Variants in FRMD4A observed in about 807,000 individuals in gnomAD.
FRMD4A encodes FERM domain containing 4A.
FRMD4A carries 29 observed loss-of-function variants against 129.1 expected under a neutral mutation model. The ratio of observed to expected loss-of-function variants is 0.22; its 90% confidence interval spans 0.17 to 0.31. The LOEUF is 0.31. Ranked by LOEUF, FRMD4A falls within the 10% of genes least tolerant of loss-of-function variation. The pLI is 1.00. For missense variants in FRMD4A, 1,272 were observed against 1,375.8 expected, an observed-to-expected ratio of 0.92 and a Z score of 1.19; for synonymous variants, 634 against 571.6, an observed-to-expected ratio of 1.11 and a Z score of -1.56.
intron 2 of FRMD4A, among the ~76,000 whole-genome samples, chr10:14,239,656 A>AG (rs1017277707): frequency 1.1e-4 from 17 of 151,636 alleles, no homozygotes; most frequent in Middle Eastern, 3.4e-3. Flanking sequence ...AACAAACAAA[A>AG]AAAAACTGGC....
intron 12 of FRMD4A, among the ~76,000 whole-genome samples, chr10:13,720,482 C>T (rs571773936): frequency 6.2e-4 from 94 of 152,272 alleles, no homozygotes; most frequent in Non-Finnish European, 1.1e-3. Flanking sequence ...TCAACAACCA[C>T]GTGTTGAGTA....
intron 2 of FRMD4A, among the ~76,000 whole-genome samples, chr10:13,930,284 G>T (rs2095178304): frequency 6.6e-6 from 1 of 152,184 alleles, no homozygotes; most frequent in Non-Finnish European, 1.5e-5. Context: ...GGCGTTCACT[G>T]CATTTAGTGG....
chr10:13,816,609 T>C (rs191956522), intron 3 of FRMD4A, among the ~76,000 whole-genome samples: 1 of 152,210 alleles, frequency 6.6e-6, no homozygotes, highest in Non-Finnish European at 1.5e-5. Context: ...GTGACAGTGA[T>C]TAATATACTA....
intron 2 of FRMD4A, among the ~76,000 whole-genome samples, chr10:13,994,955 C>A (rs4237439): frequency 0.29 from 43,447 of 152,034 alleles, 7,367 homozygotes; most frequent in East Asian, 0.73. Flanking sequence ...TGTATTTTCT[C>A]AGGTGACTAG....
intron 2 of FRMD4A, among the ~76,000 whole-genome samples, chr10:14,032,364 C>A (rs1833285755): frequency 6.6e-6 from 1 of 152,166 alleles, no homozygotes; most frequent in African/African-American, 2.4e-5. Flanking sequence ...ATGCTAATTG[C>A]CAAATGTCTG....
chr10:13,885,516 C>T (rs765033191), intron 2 of FRMD4A, among the ~76,000 whole-genome samples: 1 of 152,212 alleles, frequency 6.6e-6, no homozygotes, highest in Non-Finnish European at 1.5e-5. Context: ...CCCTCAATGC[C>T]TGTAAGCTCT....
chr10:14,148,026 T>C (rs1840161282), intron 2 of FRMD4A, among the ~76,000 whole-genome samples: 2 of 152,218 alleles, frequency 1.3e-5, no homozygotes. Context: ...TTCTTAGATC[T>C]CTGTCTGGGA....
chr10:14,205,230 T>G (rs1202631117), intron 2 of FRMD4A, among the ~76,000 whole-genome samples: 1 of 152,144 alleles, frequency 6.6e-6, no homozygotes, highest in East Asian at 1.9e-4. Context: ...CATTTAACAC[T>G]TAACTACTTA....
At chr10:14,007,505 AAGCCAAAATC>A (rs1262534778) in intron 2 of FRMD4A, 1 of 152,494 alleles carries the variant, frequency 6.6e-6, no homozygotes, top group African/African-American at 2.4e-5. Context: ...GAGTAATTTT[AAGCCAAAATC>A]CATAGCATTA....
intron 2 of FRMD4A, among the ~76,000 whole-genome samples, chr10:14,185,643 G>A (rs781183712): frequency 1.2e-4 from 18 of 152,334 alleles, no homozygotes; most frequent in Admixed American, 2.6e-4. Context: ...TCAGAGAGCT[G>A]CAGGGGCGGT....
At position 14,235,173 on chromosome 10, in the gene FRMD4A, G is replaced by A. The variant is rs182381062; in HGVS notation, c.45+94885C>T. On this transcript the variant is annotated intron_variant, in intron 2 of 24. Transcript: ENST00000357447. The stretch of plus-strand genomic sequence containing the variant: ...CTAAGCTGTCTTTTTTTTTTGACAC[G>A]GAGTCTTGCTCTGTCGCCCAGGCTG... 8.3e-4 allele frequency among the ~76,000 whole-genome samples: 125 copies of A among 150,574 alleles called. 1 individual carries two copies. Among genetic ancestry groups the A allele is most frequent in the Admixed American group, 1.8e-3 (27 of 15,108 alleles).
intron 2 of FRMD4A, among the ~76,000 whole-genome samples, chr10:13,891,184 G>A (rs1439303864): frequency 6.6e-6 from 1 of 152,110 alleles, no homozygotes; most frequent in Admixed American, 6.5e-5. Flanking sequence ...GTAAAAAGCA[G>A]TCCATCTTAG....
chr10:13,924,497 C>A (rs1029441071), intron 2 of FRMD4A, among the ~76,000 whole-genome samples: 1 of 152,004 alleles, frequency 6.6e-6, no homozygotes, highest in African/African-American at 2.4e-5. Flanking sequence ...GACTCTCTTC[C>A]CCCAGATAGC....
chr10:14,292,255 C>G (rs1305853662), intron 2 of FRMD4A, among the ~76,000 whole-genome samples: 1 of 152,104 alleles, frequency 6.6e-6, no homozygotes, highest in African/African-American at 2.4e-5. Flanking sequence ...TTTTATGAAG[C>G]TATAGTAGTT....
chr10:13,930,381 C>T (rs1227094408), intron 2 of FRMD4A, among the ~76,000 whole-genome samples: 5 of 152,170 alleles, frequency 3.3e-5, no homozygotes, highest in Admixed American at 1.3e-4. Context: ...CTCCGTTAAG[C>T]GTCTGATAAT....
intron 2 of FRMD4A, among the ~76,000 whole-genome samples, chr10:14,196,949 C>A (rs532188827): frequency 1.3e-5 from 2 of 152,296 alleles, no homozygotes; most frequent in African/African-American, 4.8e-5. Flanking sequence ...AGGGTCCATG[C>A]AATGTCAATA....
At chr10:13,778,221 G>T (rs2092647044) in intron 6 of FRMD4A, among the ~76,000 whole-genome samples, 2 of 151,666 alleles carry the variant, frequency 1.3e-5, no homozygotes, top group Non-Finnish European at 2.9e-5. Flanking sequence ...GTTTCAAAGC[G>T]CTTTCACATT....
At chr10:13,741,557 C>T (rs752637303) in intron 9 of FRMD4A, among the ~76,000 whole-genome samples, 10 of 152,136 alleles carry the variant, frequency 6.6e-5, no homozygotes, top group Non-Finnish European at 1.2e-4. Flanking sequence ...GCAGAGATGA[C>T]GCATGAATGC....
intron 2 of FRMD4A, among the ~76,000 whole-genome samples, chr10:14,300,655 T>C (rs960373118): frequency 3.9e-5 from 6 of 152,172 alleles, no homozygotes; most frequent in African/African-American, 1.4e-4. Context: ...ATTTAACAGG[T>C]CATTGATGTA....
Sources: allele counts gnomAD v4.1 joint callset (sites outside exome capture counted in the v4.1 genomes callset), GRCh38; gene constraint gnomAD v4.1.1; transcripts MANE v1.5; gene names NCBI Gene and HGNC (gene_info 2026-07-23, HGNC 2026-07-21).